The following BRF1 variants were observed in gnomAD, a reference collection of about 807,000 sequenced individuals.
The protein encoded by BRF1 is BRF1 general transcription factor IIIB subunit.
Under a neutral mutation model 81.7 loss-of-function variants are expected in BRF1, and 59 were observed. The ratio of observed to expected loss-of-function variants is 0.72; its 90% CI spans 0.59 to 0.90. The LOEUF (loss-of-function observed/expected upper bound fraction) is 0.90. BRF1 is among the 40% of genes least tolerant of loss of function. The pLI is 0.00. For missense variants in BRF1, 1,050 were observed against 936.3 expected, an observed-to-expected ratio of 1.12 and a Z score of -1.58; for synonymous variants, 491 against 395.6, an observed-to-expected ratio of 1.24 and a Z score of -2.86.
intron 6 of BRF1, 105 bp from the exon 7 acceptor site, chr14:105,229,018 C>T (rs1324011080): frequency 4.9e-6 from 5 of 1,030,196 alleles, no homozygotes; most frequent in African/African-American, 1.6e-5. Context: ...AGATGATGGC[C>T]TGAGAAGACG....
chr14:105,312,011 T>C (rs962635310), intron 1 of BRF1, among the ~76,000 whole-genome samples: 1 of 152,208 alleles, frequency 6.6e-6, no homozygotes, highest in Non-Finnish European at 1.5e-5. Context: ...GTAGGGGCGC[T>C]GTGGGCTGGA....
chr14:105,229,593 C>A (rs117230703), intron 6 of BRF1, among the ~76,000 whole-genome samples: 1 of 152,236 alleles, frequency 6.6e-6, no homozygotes, highest in African/African-American at 2.4e-5. Flanking sequence ...GTGACAGCTG[C>A]GACCTGGGGG....
chr14:105,273,849 G>C (rs1001300074), intron 2 of BRF1, among the ~76,000 whole-genome samples: 14 of 152,228 alleles, frequency 9.2e-5, no homozygotes, highest in Admixed American at 3.9e-4. Context: ...CTGAAATATG[G>C]CCTCGTGGGA....
intron 5 of BRF1, among the ~76,000 whole-genome samples, chr14:105,251,363 G>A (rs928018137): frequency 1.3e-5 from 2 of 151,742 alleles, no homozygotes; most frequent in African/African-American, 2.4e-5. Context: ...ACAGACTGTC[G>A]GGGGAGCATT....
In BRF1 at chr14:105,249,352, C is replaced by T. The variant is rs191645747; in HGVS notation, c.544+3155G>A. ...AGCCAGGCTCACGGCGGCGCTTTCT[C>T]CTCCCAGTACGTCTTGGCTGTCGGC... On this transcript the variant is annotated intron_variant, in intron 5 of 17. Transcript: ENST00000547530. 7,200 of 1,609,008 alleles carry T rather than the reference C, an allele frequency of 4.5e-3. 44 individuals carry two copies. The highest frequency in any genetic ancestry group is 0.024 in the East Asian group (1,061 of 44,796).
intron 1 of BRF1, among the ~76,000 whole-genome samples, chr14:105,306,292 T>G (rs587595072): frequency 2.5e-4 from 36 of 146,710 alleles, no homozygotes; most frequent in African/African-American, 8.4e-4. Context: ...TTTGGGTTTG[T>G]TTTGTTTTGT....
Position 105,300,691 on chromosome 14 carries a change from G to T in BRF1, c.-62C>A. On this transcript the variant is annotated 5_prime_UTR_variant, in exon 1 of 18. Coordinates refer to ENST00000547530, the MANE Select transcript of BRF1 (RefSeq NM_001519.4). Reference sequence around the variant, plus strand: ...AGACTCTCAAGCCACCCGAGCCTCCGGAGCAGCCCGCGCCGCCCGCCCAGG... The same window carrying T: ...AGACTCTCAAGCCACCCGAGCCTCCTGAGCAGCCCGCGCCGCCCGCCCAGG... 1 of 1,218,012 alleles carries T rather than the reference G, an allele frequency of 8.2e-7. No homozygotes were observed. The highest frequency in any genetic ancestry group is 1.0e-6 in the Non-Finnish European group (1 of 973,204). 75.5% of individuals were successfully genotyped at this position (1,218,012 alleles called of 1,614,324 possible).
intron 4 of BRF1, among the ~76,000 whole-genome samples, chr14:105,253,310 G>A (rs1207746346): frequency 6.6e-6 from 1 of 152,208 alleles, no homozygotes; most frequent in Admixed American, 6.5e-5. Flanking sequence ...GGCAGGTGTG[G>A]ATGAGGTGCA....
chr14:105,264,666 C>CAAAA (rs56970432), intron 3 of BRF1, among the ~76,000 whole-genome samples: 25 of 60,774 alleles, frequency 4.1e-4, no homozygotes, highest in Non-Finnish European at 6.2e-4. Flanking sequence ...GACTCCATCT[C>CAAAA]AAAAAAAAAA....
chr14:105,312,029 A>G, intron 1 of BRF1, among the ~76,000 whole-genome samples: 1 of 152,172 alleles, frequency 6.6e-6, no homozygotes, highest in East Asian at 1.9e-4. Flanking sequence ...GGAGCCGCCA[A>G]CTGACCAGTG....
intron 2 of BRF1, among the ~76,000 whole-genome samples, chr14:105,274,148 T>C (rs1020130317): frequency 4.6e-5 from 7 of 152,244 alleles, no homozygotes; most frequent in African/African-American, 7.2e-5. Context: ...AAATCTGGCC[T>C]ATGTGCACAT....
rs907721645 is a variant in BRF1 at position 105,210,726 on chromosome 14, G to A, written c.1997-138C>T. The A allele has an allele frequency of 1.0e-6, 1 of 983,570 alleles. No individual in the cohort carries two copies. The highest frequency in any genetic ancestry group is 1.5e-6 in the Non-Finnish European group (1 of 666,198). 60.9% of individuals were successfully genotyped at this position (983,570 alleles called of 1,614,324 possible). Reference sequence around the variant, plus strand: ...GCCCCAGCCCCCCGCGCCCCGCCAGGAGCCATCTTGGGCTCCTCTCCACCT... The same window carrying A: ...GCCCCAGCCCCCCGCGCCCCGCCAGAAGCCATCTTGGGCTCCTCTCCACCT... On this transcript the variant is annotated intron_variant, in intron 17 of 17. Coordinates refer to ENST00000547530, the MANE Select transcript of BRF1 (RefSeq NM_001519.4). This position sits in a 1 kb window ranked among gnomAD's most constrained non-coding sequence, Gnocchi z 4.7.
rs587641365 is a variant in BRF1 at position 105,248,218 on chromosome 14, G to A, written c.544+4289C>T. Reference sequence around the variant, plus strand: ...AAGCTAAATCGCGAAGCATCTGAACGAACGAGGAAGCCCAACGACCATCCC... The same window carrying A: ...AAGCTAAATCGCGAAGCATCTGAACAAACGAGGAAGCCCAACGACCATCCC... On this transcript the variant is annotated intron_variant, in intron 5 of 17. Transcript: ENST00000547530. 4.1e-6 allele frequency: 4 copies of A among 985,510 alleles called. No individual in the cohort carries two copies. The African/African-American group carries it at 7.0e-5, about 17-fold the overall frequency. 61.0% of individuals were successfully genotyped at this position (985,510 alleles called of 1,614,324 possible).
At chr14:105,273,278 G>A (rs1453543443) in intron 2 of BRF1, among the ~76,000 whole-genome samples, 2 of 152,236 alleles carry the variant, frequency 1.3e-5, no homozygotes, top group African/African-American at 2.4e-5. Flanking sequence ...TTTTCCTACA[G>A]CCACATGCCC....
Position 105,271,405 on chromosome 14 carries a change from C to T in BRF1, c.439+1316G>A, listed in dbSNP as rs587691232. 3.0e-4 allele frequency among the ~76,000 whole-genome samples: 46 copies of T among 152,358 alleles called. No homozygotes were observed. Among genetic ancestry groups the T allele is most frequent in the African/African-American group, 1.1e-3 (44 of 41,590 alleles). Reference sequence around the variant, plus strand: ...GCCACAGAACTGCCCAGTGAGAATGCTGGAGGCAAGGCGACGGCAGGGGCG... The same window carrying T: ...GCCACAGAACTGCCCAGTGAGAATGTTGGAGGCAAGGCGACGGCAGGGGCG... On this transcript the variant is annotated intron_variant, in intron 3 of 17. Coordinates refer to ENST00000547530, the MANE Select transcript of BRF1 (RefSeq NM_001519.4). The surrounding 1 kb of genome is among the most constrained non-coding windows in gnomAD (Gnocchi z 5.5).
chr14:105,229,329 G>A (rs1165662862), intron 6 of BRF1, among the ~76,000 whole-genome samples: 4 of 152,186 alleles, frequency 2.6e-5, no homozygotes, highest in African/African-American at 7.2e-5. Flanking sequence ...GGCCACAGTG[G>A]GCCCAGAACC....
Position 105,315,441 on chromosome 14 carries a change from C to T in BRF1, c.-281G>A, listed in dbSNP as rs1373053717. ...TTCGCGTTCGGCGACACTGTCAGAC[C>T]TCGGCCTGGGAGCGACCCCCGGCGC... On this transcript the variant is annotated 5_prime_UTR_variant, in exon 1 of 18. Coordinates refer to the BRF1 transcript ENST00000327359. This position sits in a 1 kb window ranked among gnomAD's most constrained non-coding sequence, Gnocchi z 4.4. The T allele has an allele frequency of 6.6e-6, 1 of 152,204 alleles. No homozygotes were observed. Among genetic ancestry groups the T allele is most frequent in the Non-Finnish European group, 1.5e-5 (1 of 68,046 alleles). 9.4% of individuals were successfully genotyped at this position (152,204 alleles called of 1,614,324 possible). A position where few individuals can be genotyped will look rare whatever the true frequency, so the allele number is the denominator to read the frequency against.
chr14:105,262,209 G>A (rs1323829879), intron 3 of BRF1, among the ~76,000 whole-genome samples: 3 of 152,184 alleles, frequency 2.0e-5, no homozygotes, highest in Non-Finnish European at 4.4e-5. Context: ...CCCAGAGCTC[G>A]GATGCCCTCA....
chr14:105,211,407 G>C, intron 16 of BRF1, 114 bp from the exon 17 acceptor site: 1 of 1,051,422 alleles, frequency 9.5e-7, no homozygotes, highest in Non-Finnish European at 1.3e-6. Flanking sequence ...CGCCACACCA[G>C]TGGCTCCCGG....
Sources: gnomAD v4.1 joint callset for allele counts (sites outside exome capture counted in the v4.1 genomes callset) on GRCh38, gnomAD v4.1.1 for gene constraint, Gnocchi (gnomAD v3.1) non-coding constraint, MANE v1.5 for transcripts, NCBI Gene and HGNC (gene_info 2026-07-23, HGNC 2026-07-21) for gene names.